The following USP31 variants were observed in gnomAD, a reference collection of about 807,000 sequenced individuals.
USP31 encodes the protein ubiquitin carboxyl-terminal hydrolase 31.
A neutral mutation model predicts 119.4 loss-of-function variants in USP31; 44 were observed. That is an observed-to-expected ratio of 0.37 (90% confidence interval 0.29 to 0.47). The LOEUF is 0.47. Among genes scored for constraint, USP31 ranks in the 20% least tolerant of loss-of-function variants. The probability of loss-of-function intolerance (pLI) is 0.99; values close to 1 mark genes in which losing one functional copy is unlikely to be tolerated. For missense variants in USP31, 1,643 were observed against 1,730.2 expected, an observed-to-expected ratio of 0.95 and a Z score of 0.89; for synonymous variants, 749 against 705.6, an observed-to-expected ratio of 1.06 and a Z score of -0.97.
chr16:23,072,784 G>A (rs1031017777), intron 14 of USP31, among the ~76,000 whole-genome samples: 3 of 152,108 alleles, frequency 2.0e-5, no homozygotes, highest in African/African-American at 7.2e-5. Context: ...GAAGCAGCAT[G>A]ACTGTCTCAA....
rs1035600460 is a variant in USP31, at chr16:23,108,101, C to T, written c.716G>A (p.Arg239Gln). The change falls in exon 2 of 16, where the codon CGA becomes CAA. Residue 239 changes from arginine (R) to glutamine (Q), a missense_variant. Physicochemically the swap from Arg to Gln is conservative, Grantham distance 43 (BLOSUM62 1). This residue lies in a region of USP31 where 144 missense variants were observed against 218.0 expected (regional missense o/e 0.66). Coordinates refer to ENST00000219689, the MANE Select transcript of USP31 (RefSeq NM_020718.4). ...TGAATGGTTGAGGTCTTCATGAACT[C>T]GGTCCAAAAGCCACAGCAGAAACTC... The part of the protein sequence containing the change: ...AQEFLLWLLD[R>Q]VHEDLNHSVK... The T allele has an allele frequency of 1.9e-6, 3 of 1,613,900 alleles. No homozygotes were observed. Among genetic ancestry groups the T allele is most frequent in the Non-Finnish European group, 2.5e-6 (3 of 1,179,980 alleles).
chr16:23,082,608 G>A (rs1421450586), intron 11 of USP31, 51 bp from the exon 12 acceptor site: 2 of 1,610,870 alleles, frequency 1.2e-6, no homozygotes, highest in African/African-American at 1.3e-5. Flanking sequence ...GCAAGACTGT[G>A]TTACAGCTGG....
At chr16:23,086,489 T>TG (rs1236802398) in intron 9 of USP31, among the ~76,000 whole-genome samples, 2 of 152,084 alleles carry the variant, frequency 1.3e-5, no homozygotes, top group Non-Finnish European at 2.9e-5. Flanking sequence ...GAGTGACTAA[T>TG]TCTATGGGGC....
chr16:23,133,879 C>T (rs1903103808), intron 1 of USP31, among the ~76,000 whole-genome samples: 1 of 152,114 alleles, frequency 6.6e-6, no homozygotes, highest in Non-Finnish European at 1.5e-5. Context: ...AGTTCAAGGC[C>T]AGCCTGGGCA....
chr16:23,087,164 A>G lies in USP31; in HGVS notation c.1550T>C (p.Val517Ala). 6.2e-7 allele frequency: 1 copy of G among 1,613,650 alleles called. No homozygotes were observed. Among genetic ancestry groups the G allele is most frequent in the South Asian group, 1.1e-5 (1 of 90,984 alleles). Residue 517 changes from valine to alanine, a missense_variant, in exon 9 of 16, where the codon GTG (valine) becomes GCG (alanine). This residue lies in a region of USP31 where 219 missense variants were observed against 226.4 expected (regional missense o/e 0.97). Transcript: ENST00000219689. Reference protein sequence around the residue: ...CIQVCPFSLRVVSVVGITYLL... With the variant: ...CIQVCPFSLRAVSVVGITYLL... ...ATATGTTATTCCAACAACACTGACC[A>G]CACGCAAGCTGAATGGACACACCTG...
In USP31 at chr16:23,108,044, A is replaced by C. The variant is rs758897221; in HGVS notation, c.771+2T>G. 1 of 1,612,152 alleles carries C rather than the reference A, an allele frequency of 6.2e-7. No individual in the cohort carries two copies. Among genetic ancestry groups the C allele is most frequent in the Non-Finnish European group, 8.5e-7 (1 of 1,179,248 alleles). ...CTGCCCTAGGGCAGCATGCGTCCTTACCTTCAGAGGAGGCTGGCCACTCTG... is the reference window on the plus strand; with the variant it reads ...CTGCCCTAGGGCAGCATGCGTCCTTCCCTTCAGAGGAGGCTGGCCACTCTG... On this transcript the variant is annotated splice_donor_variant, in intron 2 of 15. Transcript: ENST00000219689. LOFTEE classifies it high-confidence loss of function.
intron 13 of USP31, among the ~76,000 whole-genome samples, chr16:23,078,113 A>G (rs1900659060): frequency 6.6e-6 from 1 of 152,046 alleles, no homozygotes; most frequent in African/African-American, 2.4e-5. Flanking sequence ...GGAGATCGAG[A>G]CCATCCTGGC....
chr16:23,143,077 T>C (rs771125737), intron 1 of USP31, among the ~76,000 whole-genome samples: 11 of 152,170 alleles, frequency 7.2e-5, no homozygotes, highest in Non-Finnish European at 1.3e-4. Flanking sequence ...ACAAGTTTAT[T>C]CCTTTTGTGA....
Position 23,133,162 on chromosome 16 carries a change from A to G in USP31, c.633+15476T>C, listed in dbSNP as rs895572554. On this transcript the variant is annotated intron_variant, in intron 1 of 15. Coordinates refer to ENST00000219689, the MANE Select transcript of USP31 (RefSeq NM_020718.4). ...CAGACAACCTGCTCATAAATCCTGT[A>G]TACGAGGCCCGCCATTTCCTTTTCT... is the stretch of plus-strand genomic sequence containing the variant. 8.5e-5 allele frequency among the ~76,000 whole-genome samples: 13 copies of G among 152,280 alleles called. No homozygotes were observed. In the East Asian group the frequency reaches 1.9e-3, roughly 23 times the overall value.
At chr16:23,071,543 T>A (rs1340696995) in intron 15 of USP31, among the ~76,000 whole-genome samples, 1 of 152,198 alleles carries the variant, frequency 6.6e-6, no homozygotes, top group Non-Finnish European at 1.5e-5. Flanking sequence ...ACAACAGCTT[T>A]TGTTTTAGAT....
At chr16:23,075,177 G>A (rs1050024408) in intron 13 of USP31, among the ~76,000 whole-genome samples, 1 of 152,184 alleles carries the variant, frequency 6.6e-6, no homozygotes, top group Non-Finnish European at 1.5e-5. Flanking sequence ...GGAACCAGAA[G>A]GGAAAGAACT....
chr16:23,080,615 G>T (rs1350991162), intron 12 of USP31, among the ~76,000 whole-genome samples: 1 of 152,148 alleles, frequency 6.6e-6, no homozygotes, highest in African/African-American at 2.4e-5. Context: ...TCCTCCAACA[G>T]GCACATCACA....
intron 1 of USP31, among the ~76,000 whole-genome samples, chr16:23,110,609 T>C (rs550065893): frequency 1.8e-4 from 27 of 152,182 alleles, no homozygotes; most frequent in Admixed American, 7.2e-4. Flanking sequence ...GAGCCGTAAA[T>C]GAACTGGTAA....
In USP31 at chr16:23,108,170, T is replaced by G. The variant is rs765550163; in HGVS notation, c.647A>C (p.Lys216Thr). The G allele has an allele frequency of 2.5e-6, 4 of 1,612,712 alleles. No individual in the cohort carries two copies. In the African/African-American group the frequency reaches 5.3e-5, roughly 22 times the overall value. ...ATTTCCCCGGTACTGCAGTGCATTCTTTGACACAATAGTCTATGCAGGTAA... is the reference window on the plus strand; with the variant it reads ...ATTTCCCCGGTACTGCAGTGCATTCGTTGACACAATAGTCTATGCAGGTAA... ...HSRDFKTIVSKNALQYRGNSQ... is the reference protein window; with the variant it reads ...HSRDFKTIVSTNALQYRGNSQ... Residue 216 changes from lysine to threonine, a missense_variant, in exon 2 of 16, where the codon AAG (lysine) becomes ACG (threonine). This residue lies in a region of USP31 where 144 missense variants were observed against 218.0 expected (regional missense o/e 0.66). Transcript: ENST00000219689.
chr16:23,115,276 G>A (rs1187458938), intron 1 of USP31, among the ~76,000 whole-genome samples: 1 of 152,132 alleles, frequency 6.6e-6, no homozygotes, highest in Non-Finnish European at 1.5e-5. Context: ...TATGTTTGCA[G>A]TTTTGAAAAA....
At chr16:23,134,266 T>C (rs1903118866) in intron 1 of USP31, among the ~76,000 whole-genome samples, 1 of 152,034 alleles carries the variant, frequency 6.6e-6, no homozygotes, top group Non-Finnish European at 1.5e-5. Context: ...GAATACAAAA[T>C]TCAGAAATAA....
Position 23,066,214 on chromosome 16 carries a change from G to A in USP31, c.*1832C>T, listed in dbSNP as rs1213016940. ...AATGGACAACAGGCTCACAGTCAAT[G>A]AATCACATGGAGCACTGTGGTAACT... On this transcript the variant is annotated 3_prime_UTR_variant, in exon 16 of 16. Transcript: ENST00000219689. 1 of 152,574 alleles carries A rather than the reference G, an allele frequency of 6.6e-6. No individual in the cohort carries two copies. The highest frequency in any genetic ancestry group is 2.4e-5 in the African/African-American group (1 of 41,442). The allele number at this position is 152,574 out of a possible 1,614,324, so 9.5% of individuals were successfully genotyped here.
chr16:23,105,370 A>G, intron 5 of USP31, 71 bp downstream of exon 5: 1 of 1,440,106 alleles, frequency 6.9e-7, no homozygotes, highest in South Asian at 1.7e-5. Context: ...AAAGAACTGT[A>G]AAAAATTCTA....
chr16:23,088,774 T>C (rs548818890), intron 7 of USP31, among the ~76,000 whole-genome samples: 18 of 152,326 alleles, frequency 1.2e-4, no homozygotes, highest in African/African-American at 2.9e-4. Flanking sequence ...CCTCCACCAA[T>C]AGGCTGTGAG....
Sources: gnomAD v4.1 joint callset for allele counts (sites outside exome capture counted in the v4.1 genomes callset) on GRCh38, gnomAD v4.1.1 for gene constraint, gnomAD v4.1.1 regional missense constraint, MANE v1.5 for transcripts, NCBI Gene and HGNC (gene_info 2026-07-23, HGNC 2026-07-21) for gene names.